HGS: variants seen among roughly 807,000 people sequenced by gnomAD.
HGS encodes hepatocyte growth factor-regulated tyrosine kinase substrate, also known as human growth factor-regulated tyrosine kinase substrate.
Under a neutral mutation model 109.7 loss-of-function variants are expected in HGS, and 63 were observed. The ratio of observed to expected loss-of-function variants is 0.57; its 90% CI spans 0.47 to 0.71. The LOEUF is 0.71. HGS is among the 30% of genes least tolerant of loss of function. The pLI, the probability that HGS is intolerant of heterozygous loss-of-function variation, is 0.00. For missense variants in HGS, 995 were observed against 1,068.3 expected (o/e 0.93, Z 0.96); for synonymous variants, 546 against 437.3 (o/e 1.25, Z -3.10).
At chr17:81,693,410 C>A in intron 8 of HGS, 93 bp from the exon 9 acceptor site, 1 of 919,278 alleles carries the variant, frequency 1.1e-6, no homozygotes, top group Non-Finnish European at 1.8e-6. Context: ...TGTGGGGACA[C>A]TTAGAGGAGC....
chr17:81,687,674 C>T (rs760195666), intron 4 of HGS, among the ~76,000 whole-genome samples: 1 of 152,210 alleles, frequency 6.6e-6, no homozygotes, highest in African/African-American at 2.4e-5. Flanking sequence ...GTGCTGGGGA[C>T]ACCTGCAGGG....
chr17:81,696,821 C>T lies in HGS; in HGVS notation c.1708-3C>T, dbSNP rs757239888. The T allele has an allele frequency of 4.4e-6, 7 of 1,606,512 alleles. No individual in the cohort carries two copies. In the Admixed American group the frequency reaches 5.0e-5, roughly 12 times the overall value. ...CTCTCACCGCTGTCTCTTTTGTCCC[C>T]AGCTCCAGGCCATGCCCGCAGCCGG... On this transcript the variant is annotated splice_region_variant and splice_polypyrimidine_tract_variant and intron_variant, in intron 17 of 21. Transcript: ENST00000329138.
rs374793793 is a variant in HGS at position 81,695,174 on chromosome 17, C to T, written c.1130C>T (p.Pro377Leu). ...TTCTCTCTCTTCCAGAACCCCCTCC[C>T]GGAGACAGACTCTCAGCCCATTCCT... The part of the protein sequence containing the change: ...APTNVVENPL[P>L]ETDSQPIPPS... The change falls in exon 14 of 22, where the codon CCG (proline) becomes CTG (leucine). Residue 377 changes from proline (P) to leucine (L), a missense_variant. Transcript: ENST00000329138. 34 of 1,614,212 alleles carry T rather than the reference C, an allele frequency of 2.1e-5. No individual in the cohort carries two copies. The highest frequency in any genetic ancestry group is 1.6e-4 in the Middle Eastern group (1 of 6,062).
chr17:81,689,804 G>T (rs2037036688), intron 5 of HGS, among the ~76,000 whole-genome samples: 1 of 152,194 alleles, frequency 6.6e-6, no homozygotes, highest in South Asian at 2.1e-4. Context: ...AGCTCTCCTG[G>T]ATTTTTTCTG....
intron 4 of HGS, among the ~76,000 whole-genome samples, chr17:81,687,438 C>T (rs1292335819): frequency 3.9e-5 from 6 of 152,104 alleles, no homozygotes; most frequent in Non-Finnish European, 8.8e-5. Flanking sequence ...GTGGGCAGGG[C>T]AGGTGGTGGC....
In HGS at chr17:81,695,852, G is replaced by A. The variant is rs370209875; in HGVS notation, c.1246G>A (p.Val416Ile). ...EQFLKALQNAVTTFVNRMKSN... is the reference protein window; with the variant it reads ...EQFLKALQNAITTFVNRMKSN... The stretch of plus-strand genomic sequence containing the variant: ...GTTCCTGAAGGCGCTGCAGAACGCC[G>A]TCACCACCTTCGTGAACCGCATGAA... Residue 416 changes from valine (V) to isoleucine (I), a missense_variant, in exon 15 of 22, where the codon GTC becomes ATC. Physicochemically the swap from Val to Ile is conservative, Grantham distance 29 (BLOSUM62 3). This residue lies in a region of HGS where 163 missense variants were observed against 217.8 expected (regional missense o/e 0.75). Coordinates refer to ENST00000329138, the MANE Select transcript of HGS (RefSeq NM_004712.5). 43 of 1,613,410 alleles carry A rather than the reference G, an allele frequency of 2.7e-5. No individual in the cohort carries two copies. The highest frequency in any genetic ancestry group is 3.6e-5 in the Non-Finnish European group (42 of 1,180,002).
rs750436289 is a variant in HGS, at chr17:81,688,734, A to G, written c.322A>G (p.Ile108Val). The change falls in exon 5 of 22, where the codon ATC (isoleucine) becomes GTC (valine). Residue 108 changes from isoleucine (I) to valine (V), a missense_variant. By Grantham distance (29) the Ile-to-Val change is conservative. Transcript: ENST00000329138. ...AGTGGAGGTAAACGTCCGTAACAAG[A>G]TCCTGTACCTGATCCAGGCCTGGGC... ...RQVEVNVRNK[I>V]LYLIQAWAHA... 3 of 1,613,978 alleles carry G rather than the reference A, an allele frequency of 1.9e-6. No individual in the cohort carries two copies. Among genetic ancestry groups the G allele is most frequent in the African/African-American group, 2.7e-5 (2 of 74,936 alleles).
intron 15 of HGS, 145 bp downstream of exon 15, chr17:81,696,144 G>C (rs1426087059): frequency 1.1e-6 from 1 of 918,642 alleles, no homozygotes; most frequent in Non-Finnish European, 1.6e-6. Context: ...GTCAACAGGA[G>C]GTGGTCTCAG....
In HGS at chr17:81,696,983, C is replaced by T. The variant is rs865997008; in HGVS notation, c.1867C>T (p.Pro623Ser). The T allele has an allele frequency of 6.3e-7, 1 of 1,590,698 alleles. No homozygotes were observed. Among genetic ancestry groups the T allele is most frequent in the Non-Finnish European group, 8.5e-7 (1 of 1,171,606 alleles). The change falls in exon 18 of 22, where the codon CCC becomes TCC. Residue 623 changes from proline (P) to serine (S), a missense_variant. Pro to Ser is a moderately conservative substitution (Grantham distance 74). Transcript: ENST00000329138. ...APAAGPYPSM[P>S]STAADPSMVS... ...TGCCGCTGGCCCCTACCCCAGCATGCCCAGCACTGCGGCTGGTAAGGACGG... is the reference window on the plus strand; with the variant it reads ...TGCCGCTGGCCCCTACCCCAGCATGTCCAGCACTGCGGCTGGTAAGGACGG...
At chr17:81,687,762 G>T (rs191692182) in intron 4 of HGS, among the ~76,000 whole-genome samples, 1 of 152,142 alleles carries the variant, frequency 6.6e-6, no homozygotes, top group Non-Finnish European at 1.5e-5. Context: ...TAGTCAGGCT[G>T]CTCCCCTTCT....
At position 81,690,564 on chromosome 17, in the gene HGS, G is replaced by C. The variant is rs554017450; in HGVS notation, c.469-110G>C. Reference sequence around the variant, plus strand: ...GCCGCCCGGGGCATTGCTCTCGCTCGTGCTGGGGTCCTCTCTGGGTCCGTT... The same window carrying C: ...GCCGCCCGGGGCATTGCTCTCGCTCCTGCTGGGGTCCTCTCTGGGTCCGTT... On this transcript the variant is annotated intron_variant, in intron 6 of 21. Transcript: ENST00000329138. 2.7e-6 allele frequency: 3 copies of C among 1,103,576 alleles called. No individual in the cohort carries two copies. The East Asian group carries it at 7.5e-5, about 28-fold the overall frequency. 68.4% of individuals were successfully genotyped at this position (1,103,576 alleles called of 1,614,324 possible). A position where few individuals can be genotyped will look rare whatever the true frequency, so the allele number is the denominator to read the frequency against.
chr17:81,692,648 C>G (rs1324283192), intron 8 of HGS: 1 of 152,276 alleles, frequency 6.6e-6, no homozygotes, highest in East Asian at 1.9e-4. Flanking sequence ...GTGCTGGGGG[C>G]TGTGCAGGTC....
At position 81,688,836 on chromosome 17, in the gene HGS, G is replaced by A; in HGVS notation, c.415+9G>A. On this transcript the variant is annotated intron_variant, in intron 5 of 21. Transcript: ENST00000329138. ...GATCATGAAGGTGGAGGGTGAGTCA[G>A]GACTGAGGTTGGGACCAGGTTGAGG... 1 of 1,614,120 alleles carries A rather than the reference G, an allele frequency of 6.2e-7. No homozygotes were observed. The highest frequency in any genetic ancestry group is 8.5e-7 in the Non-Finnish European group (1 of 1,179,994).
intron 11 of HGS, 71 bp downstream of exon 11, chr17:81,694,036 A>G: frequency 7.4e-7 from 1 of 1,353,854 alleles, no homozygotes; most frequent in South Asian, 1.3e-5. Flanking sequence ...CGGGTCCCTG[A>G]GCTGATTTAG....
rs1443842797 is a variant in HGS, at chr17:81,696,818, C to T, written c.1708-6C>T. ...CAACTCTCACCGCTGTCTCTTTTGT[C>T]CCCAGCTCCAGGCCATGCCCGCAGC... On this transcript the variant is annotated splice_region_variant and splice_polypyrimidine_tract_variant and intron_variant, in intron 17 of 21. Transcript: ENST00000329138. The T allele has an allele frequency of 1.2e-6, 2 of 1,606,106 alleles. No homozygotes were observed. Among genetic ancestry groups the T allele is most frequent in the African/African-American group, 1.3e-5 (1 of 74,768 alleles).
intron 5 of HGS, among the ~76,000 whole-genome samples, chr17:81,689,051 G>A (rs779851759): frequency 1.1e-4 from 16 of 152,264 alleles, no homozygotes; most frequent in Admixed American, 2.0e-4. Context: ...AGGCAGTGAT[G>A]GCAGACAACA....
chr17:81,693,839 C>G (rs1461307023), intron 10 of HGS, 31 bp from the exon 11 acceptor site: 10 of 1,574,996 alleles, frequency 6.3e-6, no homozygotes, highest in Non-Finnish European at 8.6e-6. Context: ...TCACGTGCAC[C>G]CAAGTGACGC....
intron 15 of HGS, 74 bp from the exon 16 acceptor site, chr17:81,696,283 G>A (rs1468285373): frequency 8.3e-6 from 12 of 1,449,508 alleles, no homozygotes; most frequent in Non-Finnish European, 1.1e-5. Context: ...CGGCCCATCT[G>A]CGTGTCCGTT....
At position 81,701,525 on chromosome 17, in the gene HGS, TC is replaced by T. The variant is rs748765403; in HGVS notation, c.2248del (p.Gln750SerfsTer50). On this transcript the variant is annotated frameshift_variant, in exon 22 of 22. Transcript: ENST00000329138. LOFTEE classifies it high-confidence loss of function. ...CTGCACAGATGGCACCCTCTGGCGG[TC>T]CCCCCCAGCAGCAGCCCCCCGTGGC... ...MYQQMAPSGG[P>X]PQQQPPVAQQ... The T allele has an allele frequency of 9.6e-6, 15 of 1,557,812 alleles. No individual in the cohort carries two copies. The highest frequency in any genetic ancestry group is 7.3e-5 in the Admixed American group (4 of 55,108).
Sources: gnomAD v4.1 joint callset for allele counts (sites outside exome capture counted in the v4.1 genomes callset) on GRCh38, gnomAD v4.1.1 for gene constraint, gnomAD v4.1.1 regional missense constraint, MANE v1.5 for transcripts, NCBI Gene and HGNC (gene_info 2026-07-23, HGNC 2026-07-21) for gene names.